Variants in PPP1R16B observed in about 807,000 individuals in gnomAD.
PPP1R16B encodes protein phosphatase 1 regulatory inhibitor subunit 16B.
PPP1R16B carries 14 observed loss-of-function variants against 61.7 expected under a neutral mutation model. The ratio of observed to expected loss-of-function variants is 0.23; its 90% CI spans 0.15 to 0.35. PPP1R16B has a LOEUF of 0.35. PPP1R16B is among the 10% of genes least tolerant of loss of function. PPP1R16B has a pLI of 1.00. For missense variants in PPP1R16B, 547 were observed against 752.5 expected (o/e 0.73, Z 3.19); for synonymous variants, 266 against 305.3 (o/e 0.87, Z 1.34).
intron 4 of PPP1R16B, among the ~76,000 whole-genome samples, chr20:38,896,651 G>T (rs934652811): frequency 6.6e-6 from 1 of 151,942 alleles, no homozygotes; most frequent in Non-Finnish European, 1.5e-5. Context: ...TTTTAAGTGT[G>T]CAGGTTAGTG....
At chr20:38,898,618 T>C in intron 4 of PPP1R16B, among the ~76,000 whole-genome samples, 1 of 152,162 alleles carries the variant, frequency 6.6e-6, no homozygotes. Flanking sequence ...GATACCAGTC[T>C]GGCCAACATA....
intron 2 of PPP1R16B, among the ~76,000 whole-genome samples, chr20:38,870,774 C>G (rs767592163): frequency 6.6e-6 from 1 of 152,156 alleles, no homozygotes; most frequent in African/African-American, 2.4e-5. Flanking sequence ...TTCCTTGCTG[C>G]GTTCTCAGCT....
chr20:38,806,668 G>A lies in PPP1R16B; in HGVS notation c.-102+876G>A, dbSNP rs2084663894. On this transcript the variant is annotated intron_variant, in intron 1 of 10. Transcript: ENST00000299824. The surrounding 1 kb of genome is among the most constrained non-coding windows in gnomAD (Gnocchi z 4.5). ...CCGGGTGGAGAGCCGGGAGGCAGGC[G>A]CTCGCTGCCCTCCTCCTTCCCCCAT... Among the ~76,000 whole-genome samples, 1 of 152,186 alleles carries A rather than the reference G, an allele frequency of 6.6e-6. No individual in the cohort carries two copies. Among genetic ancestry groups the A allele is most frequent in the African/African-American group, 2.4e-5 (1 of 41,462 alleles).
chr20:38,855,104 G>C (rs1288069153), intron 2 of PPP1R16B, among the ~76,000 whole-genome samples: 3 of 152,084 alleles, frequency 2.0e-5, no homozygotes, highest in African/African-American at 4.8e-5. Context: ...GAGAGCCCTT[G>C]CAGAGTCTCT....
At chr20:38,890,476 C>G (rs1377564295) in intron 3 of PPP1R16B, among the ~76,000 whole-genome samples, 1 of 152,246 alleles carries the variant, frequency 6.6e-6, no homozygotes, top group Non-Finnish European at 1.5e-5. Flanking sequence ...TCCCACAGCA[C>G]TTGGTGCTTT....
chr20:38,819,851 T>G (rs1211642480), intron 1 of PPP1R16B, among the ~76,000 whole-genome samples: 3 of 152,198 alleles, frequency 2.0e-5, no homozygotes, highest in South Asian at 4.1e-4. Context: ...AAATCTTAAG[T>G]GGATCAATTT....
At chr20:38,835,313 C>T (rs562734927) in intron 1 of PPP1R16B, among the ~76,000 whole-genome samples, 1 of 152,248 alleles carries the variant, frequency 6.6e-6, no homozygotes, top group African/African-American at 2.4e-5. Flanking sequence ...TTTTTGGGGG[C>T]CTGCAGCCCC....
intron 1 of PPP1R16B, among the ~76,000 whole-genome samples, chr20:38,808,864 C>T (rs909939072): frequency 6.6e-6 from 1 of 152,012 alleles, no homozygotes; most frequent in African/African-American, 2.4e-5. Flanking sequence ...GAAACCCCAT[C>T]TCTACTAAAA....
chr20:38,895,380 G>T (rs2085326229), intron 3 of PPP1R16B, among the ~76,000 whole-genome samples, 185 bp from the exon 4 acceptor site: 1 of 151,102 alleles, frequency 6.6e-6, no homozygotes. Context: ...CTGAGGCCCA[G>T]AGAGGTTAAG....
intron 2 of PPP1R16B, among the ~76,000 whole-genome samples, chr20:38,881,903 A>C (rs1417547337): frequency 1.3e-5 from 2 of 152,110 alleles, no homozygotes; most frequent in Non-Finnish European, 2.9e-5. Context: ...AAAGTGGTTA[A>C]GGGTTCACTC....
intron 2 of PPP1R16B, among the ~76,000 whole-genome samples, chr20:38,837,611 T>C (rs1048404730): frequency 3.3e-5 from 5 of 151,220 alleles, no homozygotes; most frequent in Non-Finnish European, 5.9e-5. Context: ...AGCGGTGTAA[T>C]CTCGGCTCAC....
Position 38,835,902 on chromosome 20 carries a change from AGGGCGTTGGGGAGGGC to A in PPP1R16B, c.-21_-6del. On this transcript the variant is annotated 5_prime_UTR_variant, in exon 2 of 11. Coordinates refer to ENST00000299824, the MANE Select transcript of PPP1R16B (RefSeq NM_015568.4). ...CGGTGCACCGTGCTAGCCCCCAGCC[AGGGCGTTGGGGAGGGC>A]GGTGGCCATGGCCAGTCACGTGGAC... is the stretch of plus-strand genomic sequence containing the variant. 3.3e-6 allele frequency: 5 copies of A among 1,522,028 alleles called. No homozygotes were observed. In the South Asian group the frequency reaches 6.1e-5, roughly 19 times the overall value. The allele number at this position is 1,522,028 out of a possible 1,614,324, so 94.3% of individuals were successfully genotyped here.
chr20:38,826,517 G>T (rs1478242658), intron 1 of PPP1R16B, among the ~76,000 whole-genome samples: 3 of 152,108 alleles, frequency 2.0e-5, no homozygotes, highest in African/African-American at 7.2e-5. Context: ...GTGTTCATGG[G>T]TATTCCTTTA....
intron 1 of PPP1R16B, among the ~76,000 whole-genome samples, chr20:38,819,209 G>A (rs779324436): frequency 2.6e-5 from 4 of 152,216 alleles, no homozygotes; most frequent in Non-Finnish European, 5.9e-5. Flanking sequence ...ATGGAGCTTA[G>A]TTTGCCCTTC....
In PPP1R16B at chr20:38,835,989, C is replaced by T; in HGVS notation, c.64C>T (p.Arg22Trp). 6.4e-7 allele frequency: 1 copy of T among 1,559,598 alleles called. No homozygotes were observed. Among genetic ancestry groups the T allele is most frequent in the Non-Finnish European group, 8.7e-7 (1 of 1,153,392 alleles). Reference sequence around the variant, plus strand: ...GCTGGAGAAGGTGCCCACGCTGGAGCGGCTGCGGGCTGCCCAGAAGCGCCG... The same window carrying T: ...GCTGGAGAAGGTGCCCACGCTGGAGTGGCTGCGGGCTGCCCAGAAGCGCCG... ...QLLEKVPTLE[R>W]LRAAQKRRAQ... Residue 22 changes from arginine (R) to tryptophan (W), a missense_variant, in exon 2 of 11, where the codon CGG (arginine) becomes TGG (tryptophan). By Grantham distance (101) the Arg-to-Trp change is moderately radical. Transcript: ENST00000299824.
At position 38,892,615 on chromosome 20, in the gene PPP1R16B, G is replaced by C. The variant is rs970870862; in HGVS notation, c.321+2950G>C. ...TCCCTGCTCTCAGAGTTCAGAGTGT[G>C]CTGTGGCCACAGGCACATAAATAAT... On this transcript the variant is annotated intron_variant, in intron 3 of 10. Coordinates refer to ENST00000299824, the MANE Select transcript of PPP1R16B (RefSeq NM_015568.4). Among the ~76,000 whole-genome samples, 4 of 152,168 alleles carry C rather than the reference G, an allele frequency of 2.6e-5. No homozygotes were observed. In the South Asian group the frequency reaches 6.2e-4, roughly 24 times the overall value.
At chr20:38,906,723 C>A (rs547501915) in intron 7 of PPP1R16B, among the ~76,000 whole-genome samples, 1 of 152,318 alleles carries the variant, frequency 6.6e-6, no homozygotes, top group South Asian at 2.1e-4. Flanking sequence ...TCCTTAGATA[C>A]CTGCCAGCTC....
At chr20:38,860,973 G>A (rs1177051044) in intron 2 of PPP1R16B, among the ~76,000 whole-genome samples, 1 of 152,134 alleles carries the variant, frequency 6.6e-6, no homozygotes, top group African/African-American at 2.4e-5. Context: ...CTCCCACTGG[G>A]AGTATCCGTG....
chr20:38,915,269 C>T (rs1156828214), intron 10 of PPP1R16B, among the ~76,000 whole-genome samples: 4 of 152,118 alleles, frequency 2.6e-5, no homozygotes, highest in Non-Finnish European at 1.5e-5. Flanking sequence ...ACAGAATGCT[C>T]TCGCCACTTG....
Sources: allele counts gnomAD v4.1 joint callset (sites outside exome capture counted in the v4.1 genomes callset), GRCh38; gene constraint gnomAD v4.1.1; non-coding constraint Gnocchi (gnomAD v3.1); transcripts MANE v1.5; gene names NCBI Gene and HGNC (gene_info 2026-07-23, HGNC 2026-07-21).